Variants in LDB2 observed in about 807,000 individuals in gnomAD.
LDB2 encodes LIM domain-binding protein 2.
Under a neutral mutation model 44.3 loss-of-function variants are expected in LDB2, and 12 were observed. The ratio of observed to expected loss-of-function variants is 0.27; its 90% CI spans 0.17 to 0.44. The LOEUF is 0.44. LDB2 is among the 20% of genes least tolerant of loss of function. LDB2 has a pLI of 1.00. For synonymous variants in LDB2, 164 were observed against 174.8 expected (o/e 0.94, Z 0.49); for missense variants, 344 against 473.5 (o/e 0.73, Z 2.54).
At chr4:16,695,526 CA>C (rs1432189398) in intron 2 of LDB2, among the ~76,000 whole-genome samples, 1 of 151,566 alleles carries the variant, frequency 6.6e-6, no homozygotes, top group Non-Finnish European at 1.5e-5. Context: ...TATACAAAAA[CA>C]TAGTGCTTTA....
chr4:16,504,399 T>TTTAAA (rs1275296069), intron 7 of LDB2, among the ~76,000 whole-genome samples: 2 of 152,232 alleles, frequency 1.3e-5, no homozygotes, highest in Admixed American at 1.3e-4. Context: ...AACTATGTTT[T>TTTAAA]CTGACTAATC....
intron 2 of LDB2, among the ~76,000 whole-genome samples, chr4:16,755,293 G>A (rs565821445): frequency 2.0e-5 from 3 of 152,306 alleles, no homozygotes; most frequent in Admixed American, 2.0e-4. Flanking sequence ...CTTTATGCTG[G>A]ACTTAGAACT....
At chr4:16,820,705 G>T (rs1377924007) in intron 1 of LDB2, among the ~76,000 whole-genome samples, 1 of 152,032 alleles carries the variant, frequency 6.6e-6, no homozygotes, top group Non-Finnish European at 1.5e-5. Context: ...TAAAGAGCTT[G>T]TTCTTCATGC....
intron 1 of LDB2, among the ~76,000 whole-genome samples, chr4:16,760,311 G>C (rs529750523): frequency 1.1e-4 from 17 of 152,234 alleles, no homozygotes; most frequent in African/African-American, 3.1e-4. Context: ...AAGTTGCTCT[G>C]CTTATGACAA....
intron 2 of LDB2, among the ~76,000 whole-genome samples, chr4:16,681,379 A>G (rs1462860037): frequency 6.6e-6 from 1 of 152,170 alleles, no homozygotes; most frequent in African/African-American, 2.4e-5. Flanking sequence ...TGCAAGTAAA[A>G]TAGCCCCAAG....
At chr4:16,775,710 G>C (rs528276474) in intron 1 of LDB2, among the ~76,000 whole-genome samples, 1 of 152,154 alleles carries the variant, frequency 6.6e-6, no homozygotes, top group Non-Finnish European at 1.5e-5. Flanking sequence ...ATTAAAAACA[G>C]CATGCCCTCC....
At chr4:16,686,517 C>T (rs1469243059) in intron 2 of LDB2, among the ~76,000 whole-genome samples, 1 of 152,196 alleles carries the variant, frequency 6.6e-6, no homozygotes, top group African/African-American at 2.4e-5. Context: ...TGATAAGAAT[C>T]TTTGGGCAGA....
chr4:16,506,385 T>G (rs1464056172), intron 7 of LDB2: 1 of 164,408 alleles, frequency 6.1e-6, no homozygotes, highest in African/African-American at 2.4e-5. Context: ...AACGGTGCCT[T>G]GCTCTTAATC....
In LDB2 at chr4:16,627,610, G is replaced by A. The variant is rs112494324; in HGVS notation, c.236-31735C>T. On this transcript the variant is annotated intron_variant, in intron 2 of 7. Transcript: ENST00000304523. ...GAAAGATTAGATTACTTTCCTAAGC[G>A]TACACAGACACTAAGTGACAAAGAG... Among the ~76,000 whole-genome samples the A allele has an allele frequency of 3.2e-4, 49 of 152,252 alleles. 1 individual carries two copies. The South Asian group carries it at 5.4e-3, about 17-fold the overall frequency.
At chr4:16,710,921 C>T (rs1755719390) in intron 2 of LDB2, among the ~76,000 whole-genome samples, 1 of 152,174 alleles carries the variant, frequency 6.6e-6, no homozygotes, top group South Asian at 2.1e-4. Flanking sequence ...ATTGGCTCTG[C>T]CCTTATTGCC....
At chr4:16,707,893 T>C (rs958083622) in intron 2 of LDB2, among the ~76,000 whole-genome samples, 7 of 152,190 alleles carry the variant, frequency 4.6e-5, no homozygotes, top group East Asian at 1.9e-4. Context: ...CAGAGGCCCA[T>C]GCGACTCACA....
intron 1 of LDB2, among the ~76,000 whole-genome samples, chr4:16,877,234 T>C (rs761129014): frequency 6.6e-6 from 1 of 152,226 alleles, no homozygotes. Context: ...AAGGGGATCA[T>C]TGCAACGAAT....
chr4:16,802,315 T>C (rs1411085172), intron 1 of LDB2, among the ~76,000 whole-genome samples: 1 of 152,216 alleles, frequency 6.6e-6, no homozygotes, highest in African/African-American at 2.4e-5. Context: ...CCAGCTATTA[T>C]TTCCTTTCCC....
intron 4 of LDB2, 72 bp downstream of exon 4, chr4:16,588,638 G>A (rs1717843960): frequency 6.7e-7 from 1 of 1,493,586 alleles, no homozygotes; most frequent in Non-Finnish European, 9.2e-7. Context: ...GAGAGGACTG[G>A]GTTTTTCCCC....
At chr4:16,853,453 G>A (rs1235786848) in intron 1 of LDB2, among the ~76,000 whole-genome samples, 3 of 152,112 alleles carry the variant, frequency 2.0e-5, no homozygotes, top group African/African-American at 7.2e-5. Flanking sequence ...CATCTGTTAG[G>A]GTGGCTGTTA....
At chr4:16,556,569 C>G (rs1312607892) in intron 5 of LDB2, among the ~76,000 whole-genome samples, 1 of 152,172 alleles carries the variant, frequency 6.6e-6, no homozygotes, top group African/African-American at 2.4e-5. Flanking sequence ...ACAATAAAGA[C>G]TGTTTATTCA....
chr4:16,718,174 AGCTT>A (rs1366075763), intron 2 of LDB2, among the ~76,000 whole-genome samples: 1 of 152,094 alleles, frequency 6.6e-6, no homozygotes, highest in African/African-American at 2.4e-5. Flanking sequence ...TGGTCTATTC[AGCTT>A]CTAATGGGTG....
chr4:16,622,070 A>C (rs1211737621), intron 2 of LDB2, among the ~76,000 whole-genome samples: 1 of 152,210 alleles, frequency 6.6e-6, no homozygotes, highest in Non-Finnish European at 1.5e-5. Context: ...TGGAAAACAA[A>C]TCTATACAAA....
chr4:16,810,899 CCCCAACATTTTTGGCACCAG>C (rs1358590948), intron 1 of LDB2, among the ~76,000 whole-genome samples: 1 of 152,126 alleles, frequency 6.6e-6, no homozygotes, highest in Non-Finnish European at 1.5e-5. Context: ...TAGCAACAGT[CCCCAACATTTTTGGCACCAG>C]GGACAGGTTT....
Sources: allele counts gnomAD v4.1 joint callset (sites outside exome capture counted in the v4.1 genomes callset), GRCh38; gene constraint gnomAD v4.1.1; transcripts MANE v1.5; gene names NCBI Gene and HGNC (gene_info 2026-07-23, HGNC 2026-07-21).